Variants in CEP128 observed in about 807,000 individuals in gnomAD.
CEP128 encodes the protein centrosomal protein 128.
CEP128 carries 132 observed loss-of-function variants against 156.7 expected under a neutral mutation model. The ratio of observed to expected loss-of-function variants is 0.84; its 90% CI spans 0.73 to 0.97. The LOEUF is 0.97. Among genes scored for constraint, CEP128 ranks in the 50% least tolerant of loss-of-function variants. CEP128 has a pLI of 0.00. For missense variants in CEP128, 1,252 were observed against 1,281.9 expected (o/e 0.98, Z 0.36); for synonymous variants, 469 against 448.9 (o/e 1.04, Z -0.57).
chr14:80,841,219 T>C (rs1046594235), intron 9 of CEP128, among the ~76,000 whole-genome samples: 1 of 152,142 alleles, frequency 6.6e-6, no homozygotes, highest in Non-Finnish European at 1.5e-5. Flanking sequence ...TTTCATAATA[T>C]CTGAAATGCA....
At chr14:80,810,599 T>C (rs1274610717) in intron 13 of CEP128, among the ~76,000 whole-genome samples, 1 of 152,152 alleles carries the variant, frequency 6.6e-6, no homozygotes, top group Non-Finnish European at 1.5e-5. Context: ...TGTAGTTTTC[T>C]TTTTAGGTTA....
chr14:80,849,484 A>AC (rs1322884197), intron 9 of CEP128, among the ~76,000 whole-genome samples: 1 of 152,186 alleles, frequency 6.6e-6, no homozygotes, highest in Non-Finnish European at 1.5e-5. Flanking sequence ...TTTTGTCACA[A>AC]CCATACAAAA....
At chr14:80,761,979 A>G (rs914541049) in intron 16 of CEP128, among the ~76,000 whole-genome samples, 2 of 152,158 alleles carry the variant, frequency 1.3e-5, no homozygotes, top group African/African-American at 4.8e-5. Context: ...TTCACTGAAC[A>G]TTAGTAAAAC....
intron 19 of CEP128, among the ~76,000 whole-genome samples, chr14:80,693,089 A>G (rs1474322442): frequency 2.6e-5 from 4 of 152,166 alleles, no homozygotes; most frequent in African/African-American, 7.2e-5. Context: ...CACACTTTCG[A>G]GTAGCAAAGG....
intron 23 of CEP128, among the ~76,000 whole-genome samples, chr14:80,515,662 C>T (rs1342693949): frequency 6.6e-6 from 1 of 152,186 alleles, no homozygotes; most frequent in African/African-American, 2.4e-5. Flanking sequence ...GTCCAGAAGC[C>T]AAGATCTGGA....
At chr14:80,601,771 C>T (rs1248422865) in intron 19 of CEP128, among the ~76,000 whole-genome samples, 1 of 152,056 alleles carries the variant, frequency 6.6e-6, no homozygotes, top group African/African-American at 2.4e-5. Flanking sequence ...ATTATGATGG[C>T]TATGACATCA....
chr14:80,632,338 C>T (rs1023796405), intron 19 of CEP128, among the ~76,000 whole-genome samples: 8 of 149,818 alleles, frequency 5.3e-5, no homozygotes, highest in Non-Finnish European at 8.9e-5. Context: ...TGAGACTTTA[C>T]CATGTTAGTG....
At chr14:80,485,474 C>T (rs554973879) in intron 14 of CEP128, among the ~76,000 whole-genome samples, 2 of 152,214 alleles carry the variant, frequency 1.3e-5, no homozygotes, top group African/African-American at 4.8e-5. Context: ...CAAGTCTAGT[C>T]ATACCAACCT....
At chr14:80,907,273 A>C (rs1412002434) in intron 4 of CEP128, among the ~76,000 whole-genome samples, 1 of 149,040 alleles carries the variant, frequency 6.7e-6, no homozygotes, top group Non-Finnish European at 1.5e-5. Context: ...TTTCCGAAAG[A>C]AAAAAAAAAG....
chr14:80,852,265 A>C (rs1886929125), intron 9 of CEP128, among the ~76,000 whole-genome samples: 1 of 152,022 alleles, frequency 6.6e-6, no homozygotes, highest in African/African-American at 2.4e-5. Flanking sequence ...AGAGTTTAAA[A>C]ATAAGCACAC....
intron 9 of CEP128, among the ~76,000 whole-genome samples, chr14:80,855,355 A>C (rs955524156): frequency 1.3e-5 from 2 of 152,096 alleles, no homozygotes; most frequent in Middle Eastern, 3.2e-3. Flanking sequence ...CCTGCTTTCC[A>C]CAGGATTGTG....
intron 8 of CEP128, among the ~76,000 whole-genome samples, chr14:80,892,356 C>G (rs945054666): frequency 1.3e-5 from 2 of 151,752 alleles, no homozygotes; most frequent in African/African-American, 2.4e-5. Context: ...TGGAATTTCA[C>G]ACACAAAAGA....
chr14:80,814,462 C>T (rs1242266612), intron 13 of CEP128, among the ~76,000 whole-genome samples: 3 of 147,604 alleles, frequency 2.0e-5, no homozygotes, highest in Non-Finnish European at 4.4e-5. Flanking sequence ...CTCTTCCTAG[C>T]ACAATCCACC....
chr14:80,680,278 GC>G (rs1896265446), intron 19 of CEP128, among the ~76,000 whole-genome samples: 3 of 152,264 alleles, frequency 2.0e-5, no homozygotes, highest in South Asian at 4.1e-4. Flanking sequence ...ATTGCTAGGT[GC>G]CCAAGTATGC....
At chr14:80,802,747 G>T (rs1883951876) in intron 13 of CEP128, among the ~76,000 whole-genome samples, 1 of 152,038 alleles carries the variant, frequency 6.6e-6, no homozygotes, top group South Asian at 2.1e-4. Context: ...AGCTTTCAAA[G>T]GTTTTCTAGC....
chr14:80,932,966 T>C (rs1378964275), intron 2 of CEP128, among the ~76,000 whole-genome samples: 1 of 152,110 alleles, frequency 6.6e-6, no homozygotes, highest in Non-Finnish European at 1.5e-5. Flanking sequence ...TTCCATGTTT[T>C]CCATTTGTTG....
intron 24 of CEP128, among the ~76,000 whole-genome samples, chr14:80,503,597 AT>A (rs2140188069): frequency 6.6e-6 from 1 of 152,286 alleles, no homozygotes; most frequent in South Asian, 2.1e-4. Context: ...TGTCTGACTA[AT>A]TGGGACACTG....
intron 14 of CEP128, among the ~76,000 whole-genome samples, chr14:80,481,564 C>A (rs949356617): frequency 6.6e-6 from 1 of 152,156 alleles, no homozygotes; most frequent in Non-Finnish European, 1.5e-5. Flanking sequence ...CCACTTTAAT[C>A]CAGTGCAGAA....
intron 19 of CEP128, among the ~76,000 whole-genome samples, chr14:80,649,188 C>T (rs1380480473): frequency 6.6e-6 from 1 of 151,920 alleles, no homozygotes; most frequent in Admixed American, 6.6e-5. Flanking sequence ...GTGGTGCGCT[C>T]CAAAAGCAAG....
Sources: gnomAD v4.1 joint callset for allele counts (sites outside exome capture counted in the v4.1 genomes callset) on GRCh38, gnomAD v4.1.1 for gene constraint, MANE v1.5 for transcripts, NCBI Gene and HGNC (gene_info 2026-07-23, HGNC 2026-07-21) for gene names.